Variants in TIPRL observed in about 807,000 individuals in gnomAD.
The protein encoded by TIPRL is TIP41-like protein.
A neutral mutation model predicts 32.3 loss-of-function variants in TIPRL; 10 were observed. The ratio of observed to expected loss-of-function variants is 0.31; its 90% confidence interval spans 0.19 to 0.52. The LOEUF (loss-of-function observed/expected upper bound fraction) is 0.52. Ranked by LOEUF, TIPRL falls within the 20% of genes least tolerant of loss-of-function variation. The probability of loss-of-function intolerance (pLI) is 0.96; values close to 1 mark genes in which losing one functional copy is unlikely to be tolerated. For missense variants in TIPRL, 250 were observed against 328.1 expected, an observed-to-expected ratio of 0.76 and a Z score of 1.84; for synonymous variants, 100 against 114.0, an observed-to-expected ratio of 0.88 and a Z score of 0.78.
At chr1:168,191,877 A>T (rs1413208445) in intron 4 of TIPRL, among the ~76,000 whole-genome samples, 1 of 151,650 alleles carries the variant, frequency 6.6e-6, no homozygotes, top group Non-Finnish European at 1.5e-5. Flanking sequence ...AAAAAAAAAA[A>T]AAAGAATAAC....
chr1:168,181,691 G>A (rs911893625), intron 1 of TIPRL, among the ~76,000 whole-genome samples: 3 of 151,700 alleles, frequency 2.0e-5, no homozygotes, highest in Non-Finnish European at 2.9e-5. Context: ...TTCTCTAAGC[G>A]ATGGCTGTAT....
intron 5 of TIPRL, 39 bp from the exon 6 acceptor site, chr1:168,198,880 A>C: frequency 6.5e-7 from 1 of 1,534,986 alleles, no homozygotes; most frequent in Non-Finnish European, 8.9e-7. Flanking sequence ...GTAAATCAGT[A>C]TAATTAAATT....
intron 1 of TIPRL, among the ~76,000 whole-genome samples, chr1:168,182,953 G>A (rs1306047989): frequency 6.6e-6 from 1 of 152,056 alleles, no homozygotes; most frequent in Non-Finnish European, 1.5e-5. Flanking sequence ...TATGATGAAA[G>A]TTAACATTGT....
Position 168,201,299 on chromosome 1 carries a change from A to G in TIPRL, c.*1253A>G, listed in dbSNP as rs1021596633. 2.0e-5 allele frequency: 3 copies of G among 152,086 alleles called. No homozygotes were observed. Among genetic ancestry groups the G allele is most frequent in the African/African-American group, 4.8e-5 (2 of 41,436 alleles). 9.4% of individuals were successfully genotyped at this position (152,086 alleles called of 1,614,324 possible). On this transcript the variant is annotated 3_prime_UTR_variant, in exon 7 of 7. Coordinates refer to ENST00000367833, the MANE Select transcript of TIPRL (RefSeq NM_152902.5). Reference sequence around the variant, plus strand: ...TTTGAAATATGTTGTACATATTTCCATTTGATGGATAAATCATTAAGTAAG... The same window carrying G: ...TTTGAAATATGTTGTACATATTTCCGTTTGATGGATAAATCATTAAGTAAG...
At chr1:168,189,984 T>C (rs1700072585) in intron 3 of TIPRL, among the ~76,000 whole-genome samples, 1 of 152,230 alleles carries the variant, frequency 6.6e-6, no homozygotes, top group Non-Finnish European at 1.5e-5. Context: ...TTTGGGGGAT[T>C]CAGGAGTATC....
chr1:168,194,167 A>T (rs1354836146), intron 4 of TIPRL, among the ~76,000 whole-genome samples: 3 of 152,198 alleles, frequency 2.0e-5, no homozygotes, highest in African/African-American at 7.2e-5. Context: ...TAGTTTCTAA[A>T]GTCAGATCAT....
At chr1:168,188,308 G>A (rs1700053150) in intron 3 of TIPRL, among the ~76,000 whole-genome samples, 1 of 152,122 alleles carries the variant, frequency 6.6e-6, no homozygotes. Context: ...AGGCGCTCGA[G>A]AATATTCATA....
intron 2 of TIPRL, 110 bp downstream of exon 2, chr1:168,184,191 G>T: frequency 1.0e-6 from 1 of 1,001,236 alleles, no homozygotes; most frequent in Non-Finnish European, 1.4e-6. Flanking sequence ...TAGAATGAAG[G>T]GCTGGTATTA....
Position 168,199,886 on chromosome 1 carries a change from A to G in TIPRL, c.676-17A>G. The stretch of plus-strand genomic sequence containing the variant: ...TACAGTAACTGAATATGCTAATATG[A>G]TTTATGTATTTCCTAGCATGTTCCA... On this transcript the variant is annotated splice_polypyrimidine_tract_variant and intron_variant, in intron 6 of 6. Coordinates refer to ENST00000367833, the MANE Select transcript of TIPRL (RefSeq NM_152902.5). 5.0e-6 allele frequency: 8 copies of G among 1,607,542 alleles called. No homozygotes were observed. Among genetic ancestry groups the G allele is most frequent in the Middle Eastern group, 1.7e-4 (1 of 6,024 alleles).
intron 3 of TIPRL, among the ~76,000 whole-genome samples, chr1:168,189,385 G>C (rs1350202536): frequency 6.6e-6 from 1 of 151,980 alleles, no homozygotes; most frequent in African/African-American, 2.4e-5. Context: ...CATTCTTGTC[G>C]CCCAGGCTGG....
intron 1 of TIPRL, among the ~76,000 whole-genome samples, chr1:168,181,203 T>G (rs1200529969): frequency 6.6e-6 from 1 of 151,688 alleles, no homozygotes; most frequent in Non-Finnish European, 1.5e-5. Flanking sequence ...TTTTCTTTTT[T>G]TCTTATTCTT....
At chr1:168,183,579 T>G (rs1699993168) in intron 1 of TIPRL, among the ~76,000 whole-genome samples, 1 of 152,112 alleles carries the variant, frequency 6.6e-6, no homozygotes, top group South Asian at 2.1e-4. Flanking sequence ...GTATCTTTAA[T>G]TGCTTTGCTA....
chr1:168,200,747 G>C lies in TIPRL; in HGVS notation c.*701G>C, dbSNP rs1255168009. ...TAGAATTATCTGTCCTCCATCTTTA[G>C]GTGCTTTTTCTTAAATGTGGTTCTA... is the stretch of plus-strand genomic sequence containing the variant. On this transcript the variant is annotated 3_prime_UTR_variant, in exon 7 of 7. Transcript: ENST00000367833. 6.6e-6 allele frequency: 1 copy of C among 151,972 alleles called. No individual in the cohort carries two copies. Among genetic ancestry groups the C allele is most frequent in the Non-Finnish European group, 1.5e-5 (1 of 67,972 alleles). 9.4% of individuals were successfully genotyped at this position (151,972 alleles called of 1,614,324 possible).
At chr1:168,194,470 G>T (rs1431619085) in intron 4 of TIPRL, among the ~76,000 whole-genome samples, 1 of 152,210 alleles carries the variant, frequency 6.6e-6, no homozygotes, top group Non-Finnish European at 1.5e-5. Flanking sequence ...ATGCTAAAAT[G>T]ATATTTCAGT....
rs1700209191 is a variant in TIPRL, at chr1:168,201,730, C to T, written c.*1684C>T. ...CATGCAAACTATATGAAATGAAAAA[C>T]TTTTAAGACTCTTCATTAATTGGAG... On this transcript the variant is annotated 3_prime_UTR_variant, in exon 7 of 7. Coordinates refer to ENST00000367833, the MANE Select transcript of TIPRL (RefSeq NM_152902.5). The T allele has an allele frequency of 1.3e-5, 2 of 149,762 alleles. No homozygotes were observed. The highest frequency in any genetic ancestry group is 6.6e-5 in the Admixed American group (1 of 15,046). 9.3% of individuals were successfully genotyped at this position (149,762 alleles called of 1,614,324 possible).
chr1:168,191,609 C>T lies in TIPRL; in HGVS notation c.516+109C>T, dbSNP rs147966991. 2,195 of 893,828 alleles carry T rather than the reference C, an allele frequency of 2.5e-3. 33 individuals carry two copies. Among genetic ancestry groups the T allele is most frequent in the African/African-American group, 0.024 (1,377 of 56,278 alleles). The allele number at this position is 893,828 out of a possible 1,614,324, so 55.4% of individuals were successfully genotyped here. ...GAGCCTGGCCGGGCGCGGTGGCTCACGCCTGTAATCCCAGCACTTTGAGAG... is the reference window on the plus strand; with the variant it reads ...GAGCCTGGCCGGGCGCGGTGGCTCATGCCTGTAATCCCAGCACTTTGAGAG... On this transcript the variant is annotated intron_variant, in intron 4 of 6. Coordinates refer to ENST00000367833, the MANE Select transcript of TIPRL (RefSeq NM_152902.5).
chr1:168,191,356 T>C lies in TIPRL; in HGVS notation c.385-13T>C. The C allele has an allele frequency of 6.6e-7, 1 of 1,517,308 alleles. No individual in the cohort carries two copies. The highest frequency in any genetic ancestry group is 8.7e-7 in the Non-Finnish European group (1 of 1,145,764). The allele number at this position is 1,517,308 out of a possible 1,614,324, so 94.0% of individuals were successfully genotyped here. A position where few individuals can be genotyped will look rare whatever the true frequency, so the allele number is the denominator to read the frequency against. On this transcript the variant is annotated splice_polypyrimidine_tract_variant and intron_variant, in intron 3 of 6. Coordinates refer to ENST00000367833, the MANE Select transcript of TIPRL (RefSeq NM_152902.5). ...TTTTTTAATGTGCTCCTCTTTAAAA[T>C]TTTTTCTTTCAGGTTGTACCTACAA...
At position 168,200,177 on chromosome 1, in the gene TIPRL, A is replaced by AATAAAG; in HGVS notation, c.*134_*139dup. The AATAAAG allele has an allele frequency of 9.9e-7, 1 of 1,010,138 alleles. No homozygotes were observed. The highest frequency in any genetic ancestry group is 1.4e-6 in the Non-Finnish European group (1 of 722,340). The allele number at this position is 1,010,138 out of a possible 1,614,324, so 62.6% of individuals were successfully genotyped here. A position where few individuals can be genotyped will look rare whatever the true frequency, so the allele number is the denominator to read the frequency against. ...TTTCTGTAGCCTTAAAGGAAAAAAA[A>AATAAAG]ATAAAGATCGTTACAGGCAGGTTTC... On this transcript the variant is annotated 3_prime_UTR_variant, in exon 7 of 7. Coordinates refer to ENST00000367833, the MANE Select transcript of TIPRL (RefSeq NM_152902.5).
intron 4 of TIPRL, 62 bp downstream of exon 4, chr1:168,191,562 A>C: frequency 7.5e-7 from 1 of 1,334,940 alleles, no homozygotes; most frequent in Non-Finnish European, 9.8e-7. Flanking sequence ...AGACAAAAAT[A>C]TGACTCACTT....
Sources: allele counts gnomAD v4.1 joint callset (sites outside exome capture counted in the v4.1 genomes callset), GRCh38; gene constraint gnomAD v4.1.1; transcripts MANE v1.5; gene names NCBI Gene and HGNC (gene_info 2026-07-23, HGNC 2026-07-21).